Variants in CALD1 observed in about 807,000 individuals in gnomAD.
CALD1 encodes caldesmon.
In CALD1, 33 loss-of-function variants were observed where a neutral mutation model predicts 99.9. The observed-to-expected ratio is 0.33, with a 90% CI of 0.25 to 0.44. The LOEUF is 0.44. Ranked by LOEUF, CALD1 falls within the 20% of genes least tolerant of loss-of-function variation. The probability of loss-of-function intolerance (pLI) is 1.00; values close to 1 mark genes in which losing one functional copy is unlikely to be tolerated. For synonymous variants in CALD1, 310 were observed against 325.0 expected (o/e 0.95, Z 0.50); for missense variants, 861 against 962.1 (o/e 0.89, Z 1.39).
rs201681214 is a variant in CALD1, at chr7:134,941,183, C to T, written c.1478C>T (p.Ser493Leu). ...DRKKGFTEVK[S>L]QNGEFMTHKL... ...AAGAAGGGATTTACAGAAGTTAAGT[C>T]GCAGAATGGAGAATTCATGACCCAC... is the stretch of plus-strand genomic sequence containing the variant. Residue 493 changes from serine to leucine, a missense_variant, in exon 7 of 15, where the codon TCG (serine) becomes TTG (leucine). Physicochemically the swap from Ser to Leu is moderately radical, Grantham distance 145 (BLOSUM62 -2). Around this residue, in one of 5 missense-constraint regions of CALD1, gnomAD observed 293 missense variants for 262.7 expected, o/e 1.12. Transcript: ENST00000361675. 15 of 1,612,542 alleles carry T rather than the reference C, an allele frequency of 9.3e-6. No individual in the cohort carries two copies. The highest frequency in any genetic ancestry group is 1.2e-5 in the Non-Finnish European group (14 of 1,179,374).
chr7:134,887,993 C>A (rs1034989818), intron 3 of CALD1, among the ~76,000 whole-genome samples: 2 of 152,232 alleles, frequency 1.3e-5, no homozygotes, highest in African/African-American at 4.8e-5. Context: ...TCTTAAACAA[C>A]TGCTGCAGAC....
rs71172475 is a variant in CALD1 at position 134,766,141 on chromosome 7, C to CTTT, written c.-130+21804_-130+21806dup. Among the ~76,000 whole-genome samples the CTTT allele has an allele frequency of 8.1e-3, 575 of 70,788 alleles. 62 individuals are homozygous for CTTT. The highest frequency in any genetic ancestry group is 0.03 in the African/African-American group (529 of 17,358). The allele number at this position is 70,788 out of a possible 152,430, so 46.4% of individuals were successfully genotyped here. A position where few individuals can be genotyped will look rare whatever the true frequency, so the allele number is the denominator to read the frequency against. On this transcript the variant is annotated intron_variant, in intron 1 of 13. Transcript: ENST00000417172. ...GAGCCCCTTAAACCTCTTTTCTTTT[C>CTTT]TTTTTTTTTTTTTTTTTTTTTTTTT... is the stretch of plus-strand genomic sequence containing the variant.
rs1312347216 is a variant in CALD1 at position 134,950,452 on chromosome 7, G to T, written c.1873G>T (p.Asp625Tyr). ...AAEKRQKMPE[D>Y]GLSDDKKPFK... ...TGAGAAACGCCAGAAGATGCCAGAA[G>T]ATGGCTTGTCAGATGACAAGAAACC... The change falls in exon 9 of 15, where the codon GAT becomes TAT. Residue 625 changes from aspartate (D) to tyrosine (Y), a missense_variant. Physicochemically the swap from Asp to Tyr is radical, Grantham distance 160. Coordinates refer to ENST00000361675, the MANE Select transcript of CALD1 (RefSeq NM_033138.4). 13 of 1,613,998 alleles carry T rather than the reference G, an allele frequency of 8.1e-6. No individual in the cohort carries two copies. The highest frequency in any genetic ancestry group is 1.0e-5 in the Non-Finnish European group (12 of 1,179,932).
chr7:134,752,843 A>C (rs560018533), intron 1 of CALD1, among the ~76,000 whole-genome samples: 96 of 152,020 alleles, frequency 6.3e-4, no homozygotes, highest in African/African-American at 2.3e-3. Context: ...TCTACTAAAA[A>C]ATACAAAAAT....
At chr7:134,889,748 T>C (rs1802053288) in intron 3 of CALD1, among the ~76,000 whole-genome samples, 1 of 152,222 alleles carries the variant, frequency 6.6e-6, no homozygotes, top group Non-Finnish European at 1.5e-5. Flanking sequence ...TCTACTTTTA[T>C]GGGTGTCTTA....
intron 1 of CALD1, among the ~76,000 whole-genome samples, chr7:134,788,629 A>C (rs1022776940): frequency 6.6e-6 from 1 of 152,190 alleles, no homozygotes; most frequent in Non-Finnish European, 1.5e-5. Flanking sequence ...GAAAGTAGAG[A>C]CTTTGTTTGG....
At chr7:134,787,440 T>G (rs1246077607) in intron 1 of CALD1, among the ~76,000 whole-genome samples, 1 of 152,158 alleles carries the variant, frequency 6.6e-6, no homozygotes, top group Non-Finnish European at 1.5e-5. Flanking sequence ...ATATTTCGCT[T>G]CCTAGGAAAA....
intron 3 of CALD1, among the ~76,000 whole-genome samples, chr7:134,891,229 A>G (rs1802146122): frequency 6.6e-6 from 1 of 152,216 alleles, no homozygotes; most frequent in Non-Finnish European, 1.5e-5. Context: ...TAAGCATATA[A>G]AGTCTTCATC....
intron 3 of CALD1, chr7:134,891,435 GC>G: frequency 7.6e-7 from 1 of 1,315,036 alleles, no homozygotes; most frequent in Non-Finnish European, 9.7e-7. Flanking sequence ...CTGAGGACAA[GC>G]CCAGACTTTC....
chr7:134,728,814 C>G, the CALD1 span, among the ~76,000 whole-genome samples: 1 of 150,820 alleles, frequency 6.6e-6, no homozygotes, highest in Admixed American at 6.6e-5. Flanking sequence ...ACAAAAATCA[C>G]AGGAGGAACA....
At chr7:134,959,945 C>T in intron 11 of CALD1, 29 bp from the exon 12 acceptor site, 1 of 1,610,262 alleles carries the variant, frequency 6.2e-7, no homozygotes, top group Non-Finnish European at 8.5e-7. Flanking sequence ...TTCCCAGCAC[C>T]AATCCTAAAA....
intron 8 of CALD1, among the ~76,000 whole-genome samples, chr7:134,948,320 C>T (rs1056249408): frequency 2.1e-5 from 3 of 139,992 alleles, no homozygotes; most frequent in Non-Finnish European, 4.7e-5. Flanking sequence ...GACCCCATAC[C>T]GTGCCTGACA....
chr7:134,960,048 C>T lies in CALD1; in HGVS notation c.2136C>T (p.Ile712=). ...TTCCTGCTGAAGGTGTACGCAACAT[C>T]AAGAGTATGTGGGAGAAAGGGAATG... ...LPVPAEGVRN[I]KSMWEKGNVF... Residue 712 remains isoleucine (I), a synonymous_variant, in exon 12 of 15, where the codon ATC becomes ATT. Coordinates refer to ENST00000361675, the MANE Select transcript of CALD1 (RefSeq NM_033138.4). 1 of 1,614,114 alleles carries T rather than the reference C, an allele frequency of 6.2e-7. No homozygotes were observed.
intron 3 of CALD1, among the ~76,000 whole-genome samples, chr7:134,878,565 C>T (rs751108311): frequency 3.3e-5 from 5 of 151,804 alleles, no homozygotes; most frequent in Non-Finnish European, 7.4e-5. Context: ...CGAGACCCTG[C>T]CTCAAGAAAA....
At chr7:134,826,465 T>C (rs1798999370) in intron 1 of CALD1, among the ~76,000 whole-genome samples, 1 of 152,168 alleles carries the variant, frequency 6.6e-6, no homozygotes, top group South Asian at 2.1e-4. Flanking sequence ...ACCGGAGCTT[T>C]TCTAGTCCAT....
upstream of CALD1, among the ~76,000 whole-genome samples, chr7:134,777,563 C>T (rs143493872): frequency 5.3e-5 from 8 of 152,260 alleles, no homozygotes; most frequent in African/African-American, 1.9e-4. Context: ...CAAAATTATA[C>T]CCTGATGCTG....
chr7:134,958,457 C>G (rs2133229214), intron 11 of CALD1, among the ~76,000 whole-genome samples, 167 bp downstream of exon 11: 1 of 141,856 alleles, frequency 7.0e-6, no homozygotes, highest in African/African-American at 2.7e-5. Flanking sequence ...GTTGCCCAGG[C>G]TGGAGTGCAA....
rs774452778 is a variant in CALD1 at position 134,933,555 on chromosome 7, G to A, written c.786G>A (p.Lys262=). ...SHHEKMEEED[K]ERAEAERARL... ...ATGAAAAGATGGAAGAGGAAGACAA[G>A]GAAAGAGCTGAGGCAGAGAGGGCAA... Residue 262 remains lysine (K), a synonymous_variant, in exon 5 of 15, where the codon AAG becomes AAA. Coordinates refer to ENST00000361675, the MANE Select transcript of CALD1 (RefSeq NM_033138.4). 17 of 1,613,610 alleles carry A rather than the reference G, an allele frequency of 1.1e-5. No individual in the cohort carries two copies. The Admixed American group carries it at 2.8e-4, about 27-fold the overall frequency.
chr7:134,960,698 T>C (rs1323178093), intron 13 of CALD1, 70 bp downstream of exon 13: 5 of 973,052 alleles, frequency 5.1e-6, no homozygotes, highest in Non-Finnish European at 8.2e-6. Context: ...AAACAAGCAG[T>C]TGGTCTGTTT....
Sources: allele counts gnomAD v4.1 joint callset (sites outside exome capture counted in the v4.1 genomes callset), GRCh38; gene constraint gnomAD v4.1.1; regional missense constraint gnomAD v4.1.1; transcripts MANE v1.5; gene names NCBI Gene and HGNC (gene_info 2026-07-23, HGNC 2026-07-21).